The following TBL1X variants were observed in gnomAD, a reference collection of about 807,000 sequenced individuals.
TBL1X encodes F-box-like/WD repeat-containing protein TBL1X.
TBL1X carries 10 observed loss-of-function variants against 50.7 expected under a neutral mutation model. That is an observed-to-expected ratio of 0.20 (90% CI 0.12 to 0.33). The LOEUF (loss-of-function observed/expected upper bound fraction) is 0.33, where lower values mean the gene tolerates loss of function less well. TBL1X is among the 10% of genes least tolerant of loss of function. TBL1X has a pLI of 1.00. For synonymous variants in TBL1X, 190 were observed against 214.7 expected, an observed-to-expected ratio of 0.88 and a Z score of 1.01; for missense variants, 340 against 504.4, an observed-to-expected ratio of 0.67 and a Z score of 3.12.
intron 15 of TBL1X, 82 bp from the exon 16 acceptor site, chrX:9,711,529 C>A: frequency 6.4e-6 from 6 of 942,065 alleles, no homozygotes; most frequent in Non-Finnish European, 8.2e-6. Context: ...AAAAACAACT[C>A]CTGGAGATCT....
chrX:9,525,796 C>T, intron 2 of TBL1X, among the ~76,000 whole-genome samples: 1 of 111,574 alleles, frequency 9.0e-6, no homozygotes, highest in Non-Finnish European at 1.9e-5. Flanking sequence ...CATTTTTGGA[C>T]AGGCACTTTC....
At chrX:9,558,514 T>C (rs2082310665) in intron 2 of TBL1X, among the ~76,000 whole-genome samples, 1 of 104,756 alleles carries the variant, frequency 9.5e-6, no homozygotes, top group Non-Finnish European at 1.9e-5. Context: ...CGAAACTCCA[T>C]CTCAAAAAAA....
intron 2 of TBL1X, among the ~76,000 whole-genome samples, chrX:9,528,821 G>A (rs2082145607): frequency 9.1e-6 from 1 of 110,449 alleles, no homozygotes; most frequent in Admixed American, 9.6e-5. Flanking sequence ...CCTGACTCAA[G>A]TCAAGGGGCC....
At chrX:9,473,459 G>A (rs768666594) in intron 1 of TBL1X, among the ~76,000 whole-genome samples, 58 of 112,048 alleles carry the variant, frequency 5.2e-4, no homozygotes, top group Non-Finnish European at 9.2e-4. Flanking sequence ...AGAGGAAGTC[G>A]GGTACTGTTT....
At chrX:9,471,405 G>A (rs1408305948) in intron 1 of TBL1X, among the ~76,000 whole-genome samples, 1 of 111,922 alleles carries the variant, frequency 8.9e-6, no homozygotes, top group African/African-American at 3.3e-5. Flanking sequence ...TCCCTCCCAG[G>A]TGTGAAGATT....
chrX:9,683,763 C>T (rs1458898336), intron 5 of TBL1X, among the ~76,000 whole-genome samples: 2 of 111,306 alleles, frequency 1.8e-5, no homozygotes, highest in South Asian at 7.7e-4. Context: ...GTCTGTTCTG[C>T]TTTGTTCTTA....
chrX:9,565,064 A>G (rs1024307523), intron 2 of TBL1X, among the ~76,000 whole-genome samples: 17 of 109,451 alleles, frequency 1.6e-4, no homozygotes, highest in Non-Finnish European at 2.7e-4. Flanking sequence ...AGGTCAGGAG[A>G]TCGAGACCAT....
chrX:9,578,582 C>T (rs2082424404), intron 2 of TBL1X, among the ~76,000 whole-genome samples: 1 of 111,805 alleles, frequency 8.9e-6, no homozygotes, highest in African/African-American at 3.3e-5. Context: ...CTAAGTAGAA[C>T]CAGACGCTGC....
intron 2 of TBL1X, among the ~76,000 whole-genome samples, chrX:9,596,545 T>TCA (rs1009539814): frequency 4.5e-5 from 5 of 110,958 alleles, no homozygotes; most frequent in African/African-American, 1.3e-4. Context: ...AATGCAGCGG[T>TCA]CACCGATAGC....
chrX:9,526,916 G>C (rs992218313), intron 2 of TBL1X, among the ~76,000 whole-genome samples: 3 of 111,641 alleles, frequency 2.7e-5, no homozygotes, highest in East Asian at 2.8e-4. Context: ...CACACCAAAG[G>C]GGGGAGTCAG....
At chrX:9,536,925 A>T (rs965523023) in intron 2 of TBL1X, among the ~76,000 whole-genome samples, 1 of 112,267 alleles carries the variant, frequency 8.9e-6, no homozygotes, top group Non-Finnish European at 1.9e-5. Context: ...CAAAGCGTTT[A>T]CAAAAGGCTT....
chrX:9,655,683 G>A (rs1196779782), intron 5 of TBL1X, among the ~76,000 whole-genome samples: 1 of 111,432 alleles, frequency 9.0e-6, no homozygotes, highest in Non-Finnish European at 1.9e-5. Context: ...TATTTGAAAA[G>A]GAAACCCCAG....
chrX:9,544,820 C>T (rs915568549), intron 2 of TBL1X, among the ~76,000 whole-genome samples: 8 of 110,739 alleles, frequency 7.2e-5, no homozygotes, highest in African/African-American at 1.3e-4. Flanking sequence ...CCTGCCTTGA[C>T]CTCCCAAAGT....
chrX:9,692,696 C>A (rs192511737), intron 9 of TBL1X, among the ~76,000 whole-genome samples: 72 of 113,099 alleles, frequency 6.4e-4, no homozygotes, highest in Middle Eastern at 4.6e-3. Flanking sequence ...GCGTGAGCCA[C>A]TGCCCCCGGC....
At chrX:9,470,921 A>G (rs2146923266) in intron 1 of TBL1X, among the ~76,000 whole-genome samples, 1 of 112,309 alleles carries the variant, frequency 8.9e-6, no homozygotes, top group South Asian at 3.7e-4. Context: ...GGTGTGAGCA[A>G]CCATGCCCGA....
chrX:9,687,965 C>T, intron 6 of TBL1X, 52 bp from the exon 7 acceptor site: 1 of 1,162,675 alleles, frequency 8.6e-7, no homozygotes. Context: ...AGGCCATTCC[C>T]AGAGCCCTCA....
At chrX:9,562,187 A>G (rs373508899) in intron 2 of TBL1X, among the ~76,000 whole-genome samples, 1 of 112,092 alleles carries the variant, frequency 8.9e-6, no homozygotes, top group African/African-American at 3.2e-5. Flanking sequence ...AGTTGTATCT[A>G]CGGGGACAGA....
chrX:9,503,578 T>C (rs2082012038), intron 2 of TBL1X, among the ~76,000 whole-genome samples: 1 of 113,136 alleles, frequency 8.8e-6, no homozygotes, highest in South Asian at 3.6e-4. Context: ...AGGCTACGCT[T>C]TTCCCCTGCT....
intron 2 of TBL1X, among the ~76,000 whole-genome samples, chrX:9,621,987 T>C (rs1261784183): frequency 1.8e-5 from 2 of 112,257 alleles, no homozygotes; most frequent in Admixed American, 1.9e-4. Context: ...TTTTTAATTT[T>C]AGTTAAGAGT....
Sources: gnomAD v4.1 joint callset for allele counts (sites outside exome capture counted in the v4.1 genomes callset) on GRCh38, gnomAD v4.1.1 for gene constraint, MANE v1.5 for transcripts, NCBI Gene and HGNC (gene_info 2026-07-23, HGNC 2026-07-21) for gene names.